Variants in PNKP observed in about 807,000 individuals in gnomAD.
PNKP encodes bifunctional polynucleotide phosphatase/kinase.
PNKP carries 82 observed loss-of-function variants against 66.2 expected under a neutral mutation model. That is an observed-to-expected ratio of 1.24 (90% CI 1.04 to 1.49). PNKP has a LOEUF of 1.49. Among genes scored for constraint, PNKP ranks in the 40% most tolerant of loss-of-function variants. The probability of loss-of-function intolerance (pLI) is 0.00; values close to 1 mark genes in which losing one functional copy is unlikely to be tolerated. For synonymous variants in PNKP, 412 were observed against 298.9 expected (o/e 1.38, Z -3.90); for missense variants, 907 against 706.8 (o/e 1.28, Z -3.21).
In PNKP at chr19:49,861,269, G is replaced by C. The variant is rs760131892; in HGVS notation, c.1545C>G (p.Tyr515Ter). 4.3e-6 allele frequency: 7 copies of C among 1,611,464 alleles called. No homozygotes were observed. The highest frequency in any genetic ancestry group is 5.1e-6 in the Non-Finnish European group (6 of 1,177,856). The change falls in exon 17 of 17, where the codon TAC (tyrosine) becomes TAG (stop). Residue 515 changes from tyrosine to a stop codon, truncating the protein, a stop_gained. Transcript: ENST00000322344. LOFTEE classifies it high-confidence loss of function. Reference sequence around the variant, plus strand: ...GGGCTCAGCCCTCGGAGAACTGGCAGTACAGCCGCCCCAGCCTCGGCTCCA... The same window carrying C: ...GGGCTCAGCCCTCGGAGAACTGGCACTACAGCCGCCCCAGCCTCGGCTCCA... Reference protein sequence around the residue: ...LWVEPRLGRLYCQFSEG With the variant: ...LWVEPRLGRL
chr19:49,866,586 A>T, intron 2 of PNKP, 141 bp from the exon 3 acceptor site: 3 of 791,564 alleles, frequency 3.8e-6, no homozygotes, highest in Non-Finnish European at 6.8e-6. Context: ...GCTCCTTGAC[A>T]TGCAGTAGCC....
Position 49,861,457 on chromosome 19 carries a change from A to G in PNKP, c.1440T>C (p.Tyr480=). 1 of 1,613,956 alleles carries G rather than the reference A, an allele frequency of 6.2e-7. No individual in the cohort carries two copies. Among genetic ancestry groups the G allele is most frequent in the Non-Finnish European group, 8.5e-7 (1 of 1,179,926 alleles). ...SHIPVSDMVM[Y]GYRKQFEAPT... is the part of the protein sequence containing the mutation. ...GCTATCCCCAACAGTACCTGTAGCC[A>G]TACATGACCATGTCTGACACGGGGA... The change falls in exon 16 of 17, where the codon TAT becomes TAC. Residue 480 remains tyrosine, a synonymous_variant. Transcript: ENST00000322344.
At position 49,861,341 on chromosome 19, in the gene PNKP, C is replaced by T; in HGVS notation, c.1473G>A (p.Leu491=). 1 of 1,614,196 alleles carries T rather than the reference C, an allele frequency of 6.2e-7. No homozygotes were observed. The highest frequency in any genetic ancestry group is 8.5e-7 in the Non-Finnish European group (1 of 1,180,016). Residue 491 remains leucine, a synonymous_variant, in exon 17 of 17, where the codon CTG becomes CTA. Transcript: ENST00000322344. ...GYRKQFEAPT[L]AEGFSAILEI... ...CCAGGATGGCAGAGAAGCCTTCAGCCAGCGTTGGGGCCTCGAACTGCTTCC... is the reference window on the plus strand; with the variant it reads ...CCAGGATGGCAGAGAAGCCTTCAGCTAGCGTTGGGGCCTCGAACTGCTTCC...
chr19:49,863,703 GGTCCCACATGCCC>G lies in PNKP; in HGVS notation c.789_801del (p.Gly264IlefsTer94), dbSNP rs1212228078. 1.3e-6 allele frequency: 2 copies of G among 1,555,534 alleles called. No individual in the cohort carries two copies. Among genetic ancestry groups the G allele is most frequent in the Non-Finnish European group, 1.7e-6 (2 of 1,148,876 alleles). ...GCAAGACTCACCTGCTCCTGCAGAT[GGTCCCACATGCCC>G]GTCACCGGCTTCCGGTACAAGCCTG... On this transcript the variant is annotated frameshift_variant, in exon 8 of 17. Coordinates refer to ENST00000322344, the MANE Select transcript of PNKP (RefSeq NM_007254.4). LOFTEE classifies it high-confidence loss of function.
At chr19:49,867,310 AC>A in intron 1 of PNKP, 93 bp from the exon 2 acceptor site, 1 of 1,293,068 alleles carries the variant, frequency 7.7e-7, no homozygotes, top group Non-Finnish European at 1.1e-6. Context: ...AAGTTTCCCC[AC>A]CATTAACTGC....
intron 15 of PNKP, 24 bp downstream of exon 15, chr19:49,861,584 G>A (rs749968072): frequency 1.3e-6 from 2 of 1,560,482 alleles, no homozygotes; most frequent in Admixed American, 1.9e-5. Context: ...CAGCCCGGGG[G>A]GTGTCCGGGC....
At position 49,861,361 on chromosome 19, in the gene PNKP, G is replaced by C; in HGVS notation, c.1453C>G (p.Gln485Glu). 1 of 1,614,132 alleles carries C rather than the reference G, an allele frequency of 6.2e-7. No individual in the cohort carries two copies. The highest frequency in any genetic ancestry group is 1.1e-5 in the South Asian group (1 of 91,084). The change falls in exon 17 of 17, where the codon CAG (glutamine) becomes GAG (glutamate). Residue 485 changes from glutamine (Q) to glutamate (E), a missense_variant. By Grantham distance (29) the Gln-to-Glu change is conservative. Coordinates refer to ENST00000322344, the MANE Select transcript of PNKP (RefSeq NM_007254.4). ...SDMVMYGYRK[Q>E]FEAPTLAEGF... is the part of the protein sequence containing the mutation. ...TCAGCCAGCGTTGGGGCCTCGAACTGCTTCCTGGCAGTGGTGGGAACAGTG... is the reference window on the plus strand; with the variant it reads ...TCAGCCAGCGTTGGGGCCTCGAACTCCTTCCTGGCAGTGGTGGGAACAGTG...
chr19:49,864,125 C>T (rs1035086677), intron 6 of PNKP, 54 bp from the exon 7 acceptor site: 1 of 1,612,064 alleles, frequency 6.2e-7, no homozygotes, highest in Non-Finnish European at 8.5e-7. Flanking sequence ...CTTGGTCTGA[C>T]TGCGGTCGGA....
rs774200893 is a variant in PNKP at position 49,861,440 on chromosome 19, C to CAACA, written c.1448+5_1448+8dup. 1.9e-6 allele frequency: 3 copies of CAACA among 1,613,876 alleles called. No homozygotes were observed. The highest frequency in any genetic ancestry group is 2.5e-6 in the Non-Finnish European group (3 of 1,179,958). The stretch of plus-strand genomic sequence containing the variant: ...CAGTGCCCCTGCCCCCTGCTATCCC[C>CAACA]AACAGTACCTGTAGCCATACATGAC... On this transcript the variant is annotated intron_variant, in intron 16 of 16. Coordinates refer to ENST00000322344, the MANE Select transcript of PNKP (RefSeq NM_007254.4).
In PNKP at chr19:49,863,743, G is replaced by A. The variant is rs794727920; in HGVS notation, c.762C>T (p.His254=). ...GVPFQVLVAT[H]AGLYRKPVTG... ...TCACCGGCTTCCGGTACAAGCCTGC[G>A]TGCGTGGCCACCAGCACCTGTGGAT... The change falls in exon 8 of 17, where the codon CAC becomes CAT. Residue 254 remains histidine (H), a synonymous_variant. Coordinates refer to ENST00000322344, the MANE Select transcript of PNKP (RefSeq NM_007254.4). 9.6e-6 allele frequency: 15 copies of A among 1,559,820 alleles called. No homozygotes were observed. Among genetic ancestry groups the A allele is most frequent in the African/African-American group, 4.1e-5 (3 of 73,706 alleles).
intron 3 of PNKP, 175 bp from the exon 4 acceptor site, chr19:49,865,601 CTTT>C (rs749242089): frequency 9.8e-3 from 3,063 of 313,490 alleles, no homozygotes; most frequent in Middle Eastern, 0.013. Context: ...TTGTCCGAAT[CTTT>C]TTTTTTTTTT....
intron 2 of PNKP, chr19:49,866,648 G>A: frequency 1.5e-6 from 1 of 674,474 alleles, no homozygotes; most frequent in South Asian, 1.6e-5. Context: ...GGACAGGGAG[G>A]TACTTTTCTC....
chr19:49,862,900 C>T (rs1402071795), intron 8 of PNKP, 162 bp from the exon 9 acceptor site: 3 of 763,426 alleles, frequency 3.9e-6, no homozygotes, highest in Non-Finnish European at 6.8e-6. Context: ...CTCCTGGCCC[C>T]CTCCCCCCTC....
At chr19:49,865,678 A>G (rs2074814658) in intron 3 of PNKP, 1 of 501,320 alleles carries the variant, frequency 2.0e-6, no homozygotes, top group Non-Finnish European at 3.5e-6. Flanking sequence ...CAGTGGTGCA[A>G]TCTTGGCTCA....
intron 4 of PNKP, 53 bp downstream of exon 4, chr19:49,865,074 G>T: frequency 6.6e-7 from 1 of 1,514,366 alleles, no homozygotes; most frequent in Non-Finnish European, 9.2e-7. Flanking sequence ...CAACAAACGT[G>T]GGATTGGGTC....
chr19:49,861,239 G>A lies in PNKP; in HGVS notation c.*9C>T, dbSNP rs755496317. 3 of 1,545,072 alleles carry A rather than the reference G, an allele frequency of 1.9e-6. No individual in the cohort carries two copies. The Admixed American group carries it at 5.0e-5, about 26-fold the overall frequency. On this transcript the variant is annotated 3_prime_UTR_variant, in exon 17 of 17. Coordinates refer to ENST00000322344, the MANE Select transcript of PNKP (RefSeq NM_007254.4). ...ACAGCGTTTATTGTGGAGGGGAGCT[G>A]GGCGGGGCTCAGCCCTCGGAGAACT...
intron 9 of PNKP, 41 bp from the exon 10 acceptor site, chr19:49,862,649 G>A: frequency 6.2e-7 from 1 of 1,614,000 alleles, no homozygotes; most frequent in Non-Finnish European, 8.5e-7. Context: ...AGCTCGGAGG[G>A]AGGCGTCCCA....
chr19:49,862,085 T>C lies in PNKP; in HGVS notation c.1147A>G (p.Lys383Glu). The change falls in exon 13 of 17, where the codon AAG (lysine) becomes GAG (glutamate). Residue 383 changes from lysine to glutamate, a missense_variant. Physicochemically the swap from Lys to Glu is moderately conservative, Grantham distance 56 (BLOSUM62 1). Transcript: ENST00000322344. ...TATCCGGCCGACACGAGGTGCTTCT[T>C]GAGAAAGGTGGACTTCCCGGCTGTG... is the stretch of plus-strand genomic sequence containing the variant. ...FPGAGKSTFL[K>E]KHLVSAGYVH... 6.2e-7 allele frequency: 1 copy of C among 1,614,016 alleles called. No individual in the cohort carries two copies. Among genetic ancestry groups the C allele is most frequent in the Non-Finnish European group, 8.5e-7 (1 of 1,179,950 alleles).
intron 8 of PNKP, among the ~76,000 whole-genome samples, chr19:49,863,225 C>T (rs1691672503): frequency 6.6e-6 from 1 of 152,190 alleles, no homozygotes. Context: ...GTCCACCTGG[C>T]TCCCTCCTTT....
Sources: allele counts gnomAD v4.1 joint callset (sites outside exome capture counted in the v4.1 genomes callset), GRCh38; gene constraint gnomAD v4.1.1; transcripts MANE v1.5; gene names NCBI Gene and HGNC (gene_info 2026-07-23, HGNC 2026-07-21).